KALRN: variants seen among roughly 807,000 people sequenced by gnomAD.
KALRN encodes kalirin.
KALRN carries 70 observed loss-of-function variants against 353.7 expected under a neutral mutation model. The observed-to-expected ratio is 0.20, with a 90% CI of 0.16 to 0.24. KALRN has a LOEUF of 0.24. KALRN is among the 10% of genes least tolerant of loss of function. The pLI is 1.00. For synonymous variants in KALRN, 1,391 were observed against 1,434.8 expected (o/e 0.97, Z 0.69); for missense variants, 2,791 against 3,756.7 (o/e 0.74, Z 6.72).
chr3:124,222,688 A>C (rs1351311764), intron 1 of KALRN, among the ~76,000 whole-genome samples: 1 of 151,850 alleles, frequency 6.6e-6, no homozygotes, highest in Non-Finnish European at 1.5e-5. Context: ...TGCAGCCTCG[A>C]CCTCCCTGGC....
At chr3:124,604,132 C>A (rs2077078543) in intron 34 of KALRN, among the ~76,000 whole-genome samples, 1 of 122,932 alleles carries the variant, frequency 8.1e-6, no homozygotes, top group South Asian at 2.5e-4. Context: ...ATGGTCAGGA[C>A]TGCTTTCACG....
At chr3:124,407,131 T>C (rs2091644240) in intron 13 of KALRN, among the ~76,000 whole-genome samples, 2 of 152,072 alleles carry the variant, frequency 1.3e-5, no homozygotes, top group South Asian at 4.1e-4. Flanking sequence ...GCCAGGCAAA[T>C]TGCCCTTGAA....
At chr3:124,376,980 A>C (rs965531879) in intron 10 of KALRN, among the ~76,000 whole-genome samples, 2 of 152,204 alleles carry the variant, frequency 1.3e-5, no homozygotes, top group Admixed American at 6.5e-5. Context: ...TAAAAACCAA[A>C]GGCCCAAGAA....
chr3:124,175,919 C>T (rs1483462846), intron 1 of KALRN, among the ~76,000 whole-genome samples: 1 of 152,314 alleles, frequency 6.6e-6, no homozygotes, highest in Middle Eastern at 3.4e-3. Context: ...AACTCAGCCT[C>T]TCCTTCAAGA....
At chr3:124,596,979 C>G (rs868396136) in intron 34 of KALRN, among the ~76,000 whole-genome samples, 1 of 151,700 alleles carries the variant, frequency 6.6e-6, no homozygotes, top group Non-Finnish European at 1.5e-5. Context: ...ACCCGGGAGG[C>G]GGAGGTTGCA....
Position 124,145,919 on chromosome 3 carries a change from A to G in KALRN, c.74-82071A>G, listed in dbSNP as rs527648835. ...ACAGGGAGGGATGTTGAAGGGACAAAGTGTTCTCTTTAGGCAGGTTTTCAA... is the reference window on the plus strand; with the variant it reads ...ACAGGGAGGGATGTTGAAGGGACAAGGTGTTCTCTTTAGGCAGGTTTTCAA... On this transcript the variant is annotated intron_variant, in intron 1 of 59. Transcript: ENST00000682506. Among the ~76,000 whole-genome samples the G allele has an allele frequency of 9.2e-5, 14 of 152,326 alleles. No individual in the cohort carries two copies. The South Asian group carries it at 2.7e-3, about 29-fold the overall frequency.
chr3:124,661,857 G>A lies in KALRN; in HGVS notation c.6274G>A (p.Val2092Met), dbSNP rs754944438. The A allele has an allele frequency of 1.2e-6, 2 of 1,613,932 alleles. No homozygotes were observed. Among genetic ancestry groups the A allele is most frequent in the Non-Finnish European group, 1.7e-6 (2 of 1,179,782 alleles). ...GLECSDIEKA[V>M]ELMCLVPKRC... ...CAGTTGTTCTTTCCCACAGAAAGCA[G>A]TGGAGTTAATGTGCCTTGTTCCCAA... is the stretch of plus-strand genomic sequence containing the variant. The change falls in exon 45 of 60, where the codon GTG becomes ATG. Residue 2092 changes from valine to methionine, a missense_variant. Coordinates refer to ENST00000682506, the MANE Select transcript of KALRN (RefSeq NM_001388419.1).
rs75576238 is a variant in KALRN at position 124,193,385 on chromosome 3, A to G, written c.74-34605A>G. Among the ~76,000 whole-genome samples, 454 of 150,506 alleles carry G rather than the reference A, an allele frequency of 3.0e-3. 4 individuals are homozygous for G. Among genetic ancestry groups the G allele is most frequent in the Non-Finnish European group, 6.0e-3 (406 of 67,672 alleles). The stretch of plus-strand genomic sequence containing the variant: ...CTGGTCATCTCTGGGCTTTTTCTAC[A>G]TTCTTACTCTCTTTTTAGCTCTCCT... On this transcript the variant is annotated intron_variant, in intron 1 of 59. Coordinates refer to ENST00000682506, the MANE Select transcript of KALRN (RefSeq NM_001388419.1).
intron 19 of KALRN, 81 bp downstream of exon 19, chr3:124,442,140 C>A: frequency 2.7e-6 from 2 of 730,962 alleles, no homozygotes; most frequent in Non-Finnish European, 2.1e-6. Flanking sequence ...AGTTTTCACA[C>A]AATCTCAAAT....
chr3:124,083,357 A>G (rs1423653921), intron 1 of KALRN, among the ~76,000 whole-genome samples: 1 of 152,192 alleles, frequency 6.6e-6, no homozygotes, highest in Non-Finnish European at 1.5e-5. Flanking sequence ...TGGCTGGTCC[A>G]GCTGAGTTGG....
chr3:124,278,043 C>A (rs1248567659), intron 5 of KALRN, among the ~76,000 whole-genome samples: 1 of 125,432 alleles, frequency 8.0e-6, no homozygotes, highest in African/African-American at 2.8e-5. Context: ...AGGGCAGTAA[C>A]TGAGAAAAGT....
At chr3:124,702,234 C>G (rs41264671) in intron 57 of KALRN, 118 bp downstream of exon 57, 53 of 587,074 alleles carry the variant, frequency 9.0e-5, no homozygotes, top group Non-Finnish European at 1.4e-4. Flanking sequence ...CTCTCCATAG[C>G]AAGAAAAAAA....
intron 2 of KALRN, among the ~76,000 whole-genome samples, chr3:124,232,137 C>T (rs1029816293): frequency 6.6e-6 from 1 of 152,164 alleles, no homozygotes; most frequent in African/African-American, 2.4e-5. Flanking sequence ...CATCTCCCAC[C>T]CTCCCTGGGC....
At chr3:124,452,137 A>C (rs2058845488) in intron 21 of KALRN, among the ~76,000 whole-genome samples, 1 of 152,206 alleles carries the variant, frequency 6.6e-6, no homozygotes, top group Admixed American at 6.5e-5. Context: ...ATGTGGTGCC[A>C]CCACAATCAC....
rs10663884 is a variant in KALRN at position 124,347,371 on chromosome 3, C to CTGTGTG, written c.1770+134_1770+139dup. The CTGTGTG allele has an allele frequency of 9.0e-3, 5,084 of 564,004 alleles. 419 individuals are homozygous for CTGTGTG. Among genetic ancestry groups the CTGTGTG allele is most frequent in the African/African-American group, 0.041 (832 of 20,102 alleles). 34.9% of individuals were successfully genotyped at this position (564,004 alleles called of 1,614,324 possible). Reference sequence around the variant, plus strand: ...TTGAAGAGGTGGCTCAGGTGAGAAGCTGTGTGTGTGTGTGTGTGTGTGTGT... The same window carrying CTGTGTG: ...TTGAAGAGGTGGCTCAGGTGAGAAGCTGTGTGTGTGTGTGTGTGTGTGTGTGTGTGT... On this transcript the variant is annotated intron_variant, in intron 10 of 59. Coordinates refer to ENST00000682506, the MANE Select transcript of KALRN (RefSeq NM_001388419.1).
intron 1 of KALRN, among the ~76,000 whole-genome samples, chr3:124,210,198 A>G (rs974183695): frequency 1.3e-5 from 2 of 152,342 alleles, no homozygotes; most frequent in South Asian, 4.1e-4. Flanking sequence ...ATGAAATAAT[A>G]TGTATAAAGC....
intron 34 of KALRN, among the ~76,000 whole-genome samples, chr3:124,618,336 C>A (rs2078877848): frequency 6.6e-6 from 1 of 151,138 alleles, no homozygotes; most frequent in South Asian, 2.1e-4. Flanking sequence ...AGGATGGTCT[C>A]GATCTCTTGA....
In KALRN at chr3:124,455,375, G is replaced by A; in HGVS notation, c.3735+16G>A. 6.2e-7 allele frequency: 1 copy of A among 1,610,746 alleles called. No homozygotes were observed. Among genetic ancestry groups the A allele is most frequent in the South Asian group, 1.1e-5 (1 of 90,848 alleles). ...CAACACAGAGGTAGGCAGGGGTATT[G>A]TCCTCTGGGACATCCTCCCTTCTCA... On this transcript the variant is annotated intron_variant, in intron 22 of 59. Transcript: ENST00000682506.
At position 124,681,710 on chromosome 3, in the gene KALRN, A is replaced by G. The variant is rs1374413364; in HGVS notation, c.7377+2193A>G. Reference sequence around the variant, plus strand: ...AGTGGTATGACCTCGGCTTACTGCAACCTCTGCTTCCCTGGCTCAAGGGAT... The same window carrying G: ...AGTGGTATGACCTCGGCTTACTGCAGCCTCTGCTTCCCTGGCTCAAGGGAT... On this transcript the variant is annotated intron_variant, in intron 51 of 59. Transcript: ENST00000682506. Among the ~76,000 whole-genome samples the G allele has an allele frequency of 2.1e-5, 3 of 145,664 alleles. No individual in the cohort carries two copies. In the East Asian group the frequency reaches 6.1e-4, roughly 30 times the overall value.
Sources: allele counts gnomAD v4.1 joint callset (sites outside exome capture counted in the v4.1 genomes callset), GRCh38; gene constraint gnomAD v4.1.1; transcripts MANE v1.5; gene names NCBI Gene and HGNC (gene_info 2026-07-23, HGNC 2026-07-21).